Variants in PRKN observed in about 807,000 individuals in gnomAD.
The protein encoded by PRKN is E3 ubiquitin-protein ligase parkin.
PRKN carries 56 observed loss-of-function variants against 59.5 expected under a neutral mutation model. That is an observed-to-expected ratio of 0.94 (90% CI 0.76 to 1.18). The LOEUF is 1.18. Ranked by LOEUF, PRKN falls within the 50% of genes most tolerant of loss-of-function variation. The pLI is 0.00. For synonymous variants in PRKN, 250 were observed against 222.1 expected, an observed-to-expected ratio of 1.13 and a Z score of -1.12; for missense variants, 657 against 596.4, an observed-to-expected ratio of 1.10 and a Z score of -1.06.
intron 2 of PRKN, among the ~76,000 whole-genome samples, chr6:162,354,910 T>C (rs1385653828): frequency 1.3e-5 from 2 of 152,070 alleles, no homozygotes; most frequent in Non-Finnish European, 2.9e-5. Context: ...TAAAATATCA[T>C]ATGAAAGGTT....
At chr6:161,671,106 T>G (rs2128168950) in intron 7 of PRKN, among the ~76,000 whole-genome samples, 1 of 152,270 alleles carries the variant, frequency 6.6e-6, no homozygotes, top group Non-Finnish European at 1.5e-5. Flanking sequence ...ATCTAAAATC[T>G]AATTCTGTGA....
chr6:162,110,092 A>G (rs563247250), intron 4 of PRKN, among the ~76,000 whole-genome samples: 1 of 152,210 alleles, frequency 6.6e-6, no homozygotes, highest in South Asian at 2.1e-4. Flanking sequence ...ATTCTTTTGA[A>G]TGTACTATGT....
intron 7 of PRKN, among the ~76,000 whole-genome samples, chr6:161,677,179 A>C (rs1362401278): frequency 6.6e-6 from 1 of 152,220 alleles, no homozygotes; most frequent in East Asian, 1.9e-4. Context: ...GTTATCCAGG[A>C]AACAGGGGTG....
chr6:162,014,737 C>A (rs1362625091), intron 5 of PRKN, among the ~76,000 whole-genome samples: 1 of 152,136 alleles, frequency 6.6e-6, no homozygotes, highest in African/African-American at 2.4e-5. Flanking sequence ...CTGAGGGGAG[C>A]TCCTTACTCC....
intron 7 of PRKN, among the ~76,000 whole-genome samples, chr6:161,760,582 G>C (rs1275391119): frequency 6.6e-6 from 1 of 151,792 alleles, no homozygotes; most frequent in Non-Finnish European, 1.5e-5. Flanking sequence ...AGGGACTCTG[G>C]CCTAGCGAGA....
At chr6:162,461,402 T>G (rs1583611618) in intron 1 of PRKN, among the ~76,000 whole-genome samples, 1 of 139,310 alleles carries the variant, frequency 7.2e-6, no homozygotes, top group Admixed American at 7.9e-5. Flanking sequence ...CTCAGGAGGC[T>G]GAGGCAAGAG....
intron 4 of PRKN, among the ~76,000 whole-genome samples, chr6:162,105,408 T>C (rs1368259465): frequency 2.0e-5 from 3 of 152,148 alleles, no homozygotes; most frequent in Admixed American, 6.5e-5. Context: ...AAATAAAATA[T>C]TCATTTTTTA....
At chr6:161,536,487 C>T (rs903724590) in intron 9 of PRKN, among the ~76,000 whole-genome samples, 6 of 151,990 alleles carry the variant, frequency 3.9e-5, no homozygotes, top group African/African-American at 9.7e-5. Flanking sequence ...GGGAAACCGA[C>T]ATTTTAGTGT....
At chr6:162,464,208 T>A (rs1339040577) in intron 1 of PRKN, among the ~76,000 whole-genome samples, 1 of 152,176 alleles carries the variant, frequency 6.6e-6, no homozygotes, top group African/African-American at 2.4e-5. Context: ...AAAAGGCGAT[T>A]ACTATTTTTT....
At chr6:161,932,843 A>C (rs376123658) in intron 6 of PRKN, among the ~76,000 whole-genome samples, 179 of 152,334 alleles carry the variant, frequency 1.2e-3, no homozygotes, top group African/African-American at 4.2e-3. Context: ...TCAAGAACAA[A>C]GACTGGTTTT....
At chr6:161,608,427 A>C (rs1782364633) in intron 7 of PRKN, among the ~76,000 whole-genome samples, 1 of 152,150 alleles carries the variant, frequency 6.6e-6, no homozygotes, top group Admixed American at 6.5e-5. Context: ...GTTTGCAGGC[A>C]CATGTTGTGT....
chr6:162,530,581 G>C (rs1778470034), intron 1 of PRKN, among the ~76,000 whole-genome samples: 2 of 152,094 alleles, frequency 1.3e-5, no homozygotes, highest in South Asian at 4.1e-4. Flanking sequence ...CTGCCTCCCT[G>C]GGAGCAGAAA....
rs534346198 is a variant in PRKN at position 161,640,088 on chromosome 6, G to A, written c.872-70672C>T. Among the ~76,000 whole-genome samples, 8 of 152,316 alleles carry A rather than the reference G, an allele frequency of 5.3e-5. No individual in the cohort carries two copies. The South Asian group carries it at 1.0e-3, about 20-fold the overall frequency. On this transcript the variant is annotated intron_variant, in intron 7 of 11. Transcript: ENST00000366898. ...TCTTGTGCTTAGGCTAACCAGCACT[G>A]TATGTATTTTATTCTTCTTTCACAC...
At chr6:161,899,892 G>A (rs1249050975) in intron 6 of PRKN, among the ~76,000 whole-genome samples, 1 of 152,128 alleles carries the variant, frequency 6.6e-6, no homozygotes, top group East Asian at 1.9e-4. Flanking sequence ...GGAGGCCGAG[G>A]TGGGCAGATC....
intron 1 of PRKN, among the ~76,000 whole-genome samples, chr6:162,480,739 A>G (rs1792266773): frequency 6.6e-6 from 1 of 152,152 alleles, no homozygotes; most frequent in Non-Finnish European, 1.5e-5. Flanking sequence ...ACCAAGTCAT[A>G]AAGAAGAAGT....
chr6:161,789,322 G>A (rs562193812), intron 6 of PRKN, among the ~76,000 whole-genome samples: 3 of 152,244 alleles, frequency 2.0e-5, no homozygotes, highest in South Asian at 4.1e-4. Flanking sequence ...TAGGAACTTC[G>A]CAGACTTCCT....
intron 4 of PRKN, among the ~76,000 whole-genome samples, chr6:162,078,180 C>G (rs1462498954): frequency 6.6e-6 from 1 of 151,740 alleles, no homozygotes; most frequent in Admixed American, 6.6e-5. Flanking sequence ...GCCAACAGAT[C>G]ATGGGTTCTC....
chr6:162,261,034 A>C (rs967244802), intron 3 of PRKN, among the ~76,000 whole-genome samples: 3 of 152,136 alleles, frequency 2.0e-5, no homozygotes, highest in Non-Finnish European at 4.4e-5. Context: ...AAAAATGCAT[A>C]AATCTCAAAG....
At chr6:162,154,856 T>C (rs1782435612) in intron 4 of PRKN, among the ~76,000 whole-genome samples, 1 of 152,024 alleles carries the variant, frequency 6.6e-6, no homozygotes, top group Admixed American at 6.6e-5. Context: ...TACACATATA[T>C]TTTCTTTCTT....
Sources: gnomAD v4.1 joint callset for allele counts (sites outside exome capture counted in the v4.1 genomes callset) on GRCh38, gnomAD v4.1.1 for gene constraint, MANE v1.5 for transcripts, NCBI Gene and HGNC (gene_info 2026-07-23, HGNC 2026-07-21) for gene names.